TRAPPC8: variants seen among roughly 807,000 people sequenced by gnomAD.
TRAPPC8 encodes trafficking protein particle complex subunit 8.
In TRAPPC8, 54 loss-of-function variants were observed where a neutral mutation model predicts 174.3. That is an observed-to-expected ratio of 0.31 (90% confidence interval 0.25 to 0.39). TRAPPC8 has a LOEUF of 0.39. Among genes scored for constraint, TRAPPC8 ranks in the 10% least tolerant of loss-of-function variants. The pLI, the probability that TRAPPC8 is intolerant of heterozygous loss-of-function variation, is 1.00. For missense variants in TRAPPC8, 1,531 were observed against 1,699.1 expected (o/e 0.90, Z 1.74); for synonymous variants, 630 against 579.9 (o/e 1.09, Z -1.24).
intron 2 of TRAPPC8, among the ~76,000 whole-genome samples, chr18:31,922,932 G>A (rs971242737): frequency 6.6e-5 from 10 of 151,996 alleles, no homozygotes; most frequent in Non-Finnish European, 1.0e-4. Flanking sequence ...TAGGAGGATC[G>A]CTTGAGCCCA....
At chr18:31,925,777 T>C (rs559962389) in intron 2 of TRAPPC8, among the ~76,000 whole-genome samples, 6 of 152,330 alleles carry the variant, frequency 3.9e-5, no homozygotes, top group Non-Finnish European at 7.3e-5. Flanking sequence ...TAATGGCTTC[T>C]AGCTTTTTTA....
chr18:31,894,890 T>C (rs2036119252), intron 11 of TRAPPC8, among the ~76,000 whole-genome samples: 1 of 152,048 alleles, frequency 6.6e-6, no homozygotes, highest in Admixed American at 6.6e-5. Context: ...AAAAAATGGG[T>C]TATAAGACCA....
intron 1 of TRAPPC8, chr18:31,939,345 T>C (rs1237476955): frequency 6.6e-6 from 1 of 152,186 alleles, no homozygotes; most frequent in East Asian, 1.9e-4. Flanking sequence ...AACTCATTAA[T>C]GTCCAAATGT....
At chr18:31,832,838 GCAGGGTTATATA>G (rs1340606127) in intron 27 of TRAPPC8, among the ~76,000 whole-genome samples, 1 of 151,994 alleles carries the variant, frequency 6.6e-6, no homozygotes, top group Admixed American at 6.6e-5. Flanking sequence ...TACAAATGAA[GCAGGGTTATATA>G]CTATTATCTA....
rs190820913 is a variant in TRAPPC8 at position 31,922,430 on chromosome 18, A to G, written c.353-4763T>C. 9.2e-5 allele frequency among the ~76,000 whole-genome samples: 14 copies of G among 151,606 alleles called. No homozygotes were observed. In the East Asian group the frequency reaches 2.8e-3, roughly 30 times the overall value. On this transcript the variant is annotated intron_variant, in intron 2 of 28. Transcript: ENST00000283351. ...AAACATAGCAAACCCTGTCTCTACA[A>G]AAAGTACAAAAATTAGTCGGGAGTG...
intron 25 of TRAPPC8, among the ~76,000 whole-genome samples, chr18:31,849,306 T>C (rs1350285635): frequency 6.6e-6 from 1 of 152,070 alleles, no homozygotes; most frequent in Admixed American, 6.6e-5. Context: ...CCGAACAGTT[T>C]AATACCACCT....
rs756651318 is a variant in TRAPPC8, at chr18:31,857,926, A to G, written c.2802T>C (p.Tyr934=). ...ATTTGCTGACATTGACAAATTCTAC[A>G]TATGCTTTTCGGATTTCTCCACAGA... The part of the protein sequence containing the change: ...GLLCGEIRKA[Y]VEFVNVSKCP... The change falls in exon 20 of 29, where the codon TAT becomes TAC. Residue 934 remains tyrosine (Y), a synonymous_variant. Coordinates refer to ENST00000283351, the MANE Select transcript of TRAPPC8 (RefSeq NM_014939.5). The G allele has an allele frequency of 2.0e-5, 32 of 1,614,066 alleles. No individual in the cohort carries two copies. Among genetic ancestry groups the G allele is most frequent in the Non-Finnish European group, 2.4e-5 (28 of 1,180,014 alleles).
chr18:31,839,180 T>A, intron 27 of TRAPPC8, 132 bp downstream of exon 27: 1 of 782,492 alleles, frequency 1.3e-6, no homozygotes, highest in Non-Finnish European at 1.9e-6. Flanking sequence ...TTAGTTCAAG[T>A]ATTCTATAGA....
At chr18:31,904,550 A>G (rs2036579069) in intron 9 of TRAPPC8, among the ~76,000 whole-genome samples, 1 of 152,200 alleles carries the variant, frequency 6.6e-6, no homozygotes, top group African/African-American at 2.4e-5. Context: ...AAAACAAATA[A>G]TGATTTGAGA....
intron 2 of TRAPPC8, among the ~76,000 whole-genome samples, chr18:31,924,835 G>A (rs146793762): frequency 4.3e-4 from 65 of 150,958 alleles, no homozygotes; most frequent in African/African-American, 1.4e-3. Flanking sequence ...CAATCCTCCC[G>A]TATGAGGAGA....
chr18:31,884,082 G>A (rs573540211), intron 12 of TRAPPC8, among the ~76,000 whole-genome samples: 41 of 152,200 alleles, frequency 2.7e-4, no homozygotes, highest in Non-Finnish European at 5.0e-4. Context: ...CCAGCTACTC[G>A]AGAGGCTGAG....
intron 13 of TRAPPC8, chr18:31,873,803 C>T (rs908919951): frequency 9.5e-6 from 3 of 315,090 alleles, no homozygotes; most frequent in South Asian, 4.0e-5. Context: ...TTTTAGTAAG[C>T]GTTTTACTTC....
chr18:31,832,268 A>C, intron 27 of TRAPPC8, 95 bp from the exon 28 acceptor site: 1 of 509,438 alleles, frequency 2.0e-6, no homozygotes, highest in Non-Finnish European at 3.0e-6. Flanking sequence ...AACAGAGCAT[A>C]AGCTCCTTAA....
At position 31,913,303 on chromosome 18, in the gene TRAPPC8, T is replaced by C. The variant is rs577242193; in HGVS notation, c.771+66A>G. The C allele has an allele frequency of 2.0e-6, 3 of 1,497,734 alleles. No homozygotes were observed. The African/African-American group carries it at 4.2e-5, about 21-fold the overall frequency. The allele number at this position is 1,497,734 out of a possible 1,614,324, so 92.8% of individuals were successfully genotyped here. A position where few individuals can be genotyped will look rare whatever the true frequency, so the allele number is the denominator to read the frequency against. On this transcript the variant is annotated intron_variant, in intron 5 of 28. Transcript: ENST00000283351. Reference sequence around the variant, plus strand: ...CAATTAATATGAATAATTATACTAGTTAAACCAAAACGTAAAAACTGAAGT... The same window carrying C: ...CAATTAATATGAATAATTATACTAGCTAAACCAAAACGTAAAAACTGAAGT...
intron 26 of TRAPPC8, among the ~76,000 whole-genome samples, chr18:31,841,729 C>T (rs2033111565): frequency 6.6e-6 from 1 of 152,118 alleles, no homozygotes; most frequent in Non-Finnish European, 1.5e-5. Flanking sequence ...ACCTATACCT[C>T]ACAGGGTTGT....
chr18:31,876,289 G>C (rs1598649655), intron 12 of TRAPPC8, among the ~76,000 whole-genome samples: 1 of 151,974 alleles, frequency 6.6e-6, no homozygotes, highest in South Asian at 2.1e-4. Flanking sequence ...AGGAGATTGA[G>C]ACCATCCTGG....
rs1260636041 is a variant in TRAPPC8 at position 31,938,758 on chromosome 18, T to C, written c.157+3850A>G. The stretch of plus-strand genomic sequence containing the variant: ...AGTTGTATTCTTAAATTACATTGCC[T>C]GAAATTATATTCTCATGCCTCACTT... On this transcript the variant is annotated intron_variant, in intron 1 of 28. Coordinates refer to ENST00000283351, the MANE Select transcript of TRAPPC8 (RefSeq NM_014939.5). Among the ~76,000 whole-genome samples, 2 of 152,170 alleles carry C rather than the reference T, an allele frequency of 1.3e-5. 1 individual carries two copies. The highest frequency in any genetic ancestry group is 2.9e-5 in the Non-Finnish European group (2 of 68,026).
intron 2 of TRAPPC8, among the ~76,000 whole-genome samples, chr18:31,926,864 A>G (rs879851067): frequency 2.0e-5 from 3 of 152,224 alleles, no homozygotes; most frequent in Non-Finnish European, 2.9e-5. Context: ...TATGAGATGG[A>G]GTGGAAAGGA....
intron 18 of TRAPPC8, among the ~76,000 whole-genome samples, chr18:31,866,007 C>T (rs117530013): frequency 1.2e-3 from 186 of 151,376 alleles, no homozygotes; most frequent in Non-Finnish European, 2.0e-3. Flanking sequence ...TCCTAGATAC[C>T]CAGGGCAAGT....
Sources: gnomAD v4.1 joint callset for allele counts (sites outside exome capture counted in the v4.1 genomes callset) on GRCh38, gnomAD v4.1.1 for gene constraint, MANE v1.5 for transcripts, NCBI Gene and HGNC (gene_info 2026-07-23, HGNC 2026-07-21) for gene names.